NPAS3: variants seen among roughly 807,000 people sequenced by gnomAD.
NPAS3 encodes neuronal PAS domain protein 3.
A neutral mutation model predicts 73.1 loss-of-function variants in NPAS3; 14 were observed. The observed-to-expected ratio is 0.19, with a 90% CI of 0.13 to 0.30. The LOEUF (loss-of-function observed/expected upper bound fraction) is 0.30. Among genes scored for constraint, NPAS3 ranks in the 10% least tolerant of loss-of-function variants. The pLI is 1.00. For synonymous variants in NPAS3, 620 were observed against 541.5 expected (o/e 1.14, Z -2.01); for missense variants, 1,096 against 1,250.0 (o/e 0.88, Z 1.86).
chr14:33,727,772 A>G (rs2061308670), intron 6 of NPAS3, among the ~76,000 whole-genome samples: 1 of 152,174 alleles, frequency 6.6e-6, no homozygotes, highest in Admixed American at 6.5e-5. Context: ...CATATGCAAT[A>G]TTGGCAACGG....
intron 5 of NPAS3, among the ~76,000 whole-genome samples, chr14:33,599,574 A>C (rs573751606): frequency 1.3e-5 from 2 of 152,182 alleles, no homozygotes; most frequent in Non-Finnish European, 2.9e-5. Context: ...TTTAATATTC[A>C]TACTTCTAAA....
At chr14:33,136,903 T>C (rs1036148989) in intron 2 of NPAS3, among the ~76,000 whole-genome samples, 4 of 152,216 alleles carry the variant, frequency 2.6e-5, no homozygotes, top group Non-Finnish European at 5.9e-5. Context: ...AACTTTGTTG[T>C]AATATGCTCC....
intron 2 of NPAS3, among the ~76,000 whole-genome samples, chr14:33,136,391 C>T (rs1273432204): frequency 2.0e-5 from 3 of 152,078 alleles, no homozygotes; most frequent in Non-Finnish European, 2.9e-5. Flanking sequence ...AAAAGTTCTT[C>T]GGTTCTGAAA....
At chr14:33,031,291 C>A (rs983481186) in intron 1 of NPAS3, among the ~76,000 whole-genome samples, 1 of 152,076 alleles carries the variant, frequency 6.6e-6, no homozygotes, top group African/African-American at 2.4e-5. Flanking sequence ...ATTTGATTCT[C>A]GAGTTAGTTA....
chr14:33,492,044 TTA>T (rs1174948234), intron 4 of NPAS3, among the ~76,000 whole-genome samples: 1 of 152,178 alleles, frequency 6.6e-6, no homozygotes, highest in Non-Finnish European at 1.5e-5. Context: ...TTTCTTGAGG[TTA>T]TGTCAAGATA....
intron 6 of NPAS3, among the ~76,000 whole-genome samples, chr14:33,708,684 G>T (rs1323055425): frequency 2.0e-5 from 3 of 152,196 alleles, no homozygotes; most frequent in Admixed American, 1.3e-4. Context: ...AAGAGTCAGA[G>T]AGTCTAGAAA....
At chr14:33,487,590 C>T (rs1450981874) in intron 4 of NPAS3, among the ~76,000 whole-genome samples, 1 of 152,182 alleles carries the variant, frequency 6.6e-6, no homozygotes, top group Non-Finnish European at 1.5e-5. Flanking sequence ...TGAGAATTTC[C>T]TCCAATGTAT....
At chr14:33,710,932 T>G (rs557470779) in intron 6 of NPAS3, among the ~76,000 whole-genome samples, 5 of 152,274 alleles carry the variant, frequency 3.3e-5, no homozygotes, top group Non-Finnish European at 5.9e-5. Flanking sequence ...GATCCAGAAA[T>G]TCATACAAAG....
chr14:33,778,454 T>C lies in NPAS3; in HGVS notation c.1047-12T>C, dbSNP rs781559920. The C allele has an allele frequency of 5.8e-5, 91 of 1,562,330 alleles. No homozygotes were observed. The highest frequency in any genetic ancestry group is 7.4e-5 in the Non-Finnish European group (84 of 1,133,078). On this transcript the variant is annotated splice_polypyrimidine_tract_variant and intron_variant, in intron 8 of 11. Coordinates refer to ENST00000356141, the Ensembl canonical transcript of NPAS3. ...CCTTTCTGAATTCCAGCCTGTGTTCTTCTCTTTGTAGGATTAGTGATTATA... is the reference window on the plus strand; with the variant it reads ...CCTTTCTGAATTCCAGCCTGTGTTCCTCTCTTTGTAGGATTAGTGATTATA...
Position 33,270,585 on chromosome 14 carries a change from A to C in NPAS3, c.385+55159A>C, listed in dbSNP as rs1359771037. On this transcript the variant is annotated intron_variant, in intron 3 of 11. Coordinates refer to ENST00000356141, the Ensembl canonical transcript of NPAS3. ...CTTCAAAATTCTGCTCTAGTATTTA[A>C]AAAGCTTAATTACATAGGTTTTTAG... is the stretch of plus-strand genomic sequence containing the variant. Among the ~76,000 whole-genome samples the C allele has an allele frequency of 2.0e-5, 3 of 152,208 alleles. No individual in the cohort carries two copies. The East Asian group carries it at 5.8e-4, about 29-fold the overall frequency.
At chr14:33,383,088 TA>T (rs34877774) in intron 4 of NPAS3, among the ~76,000 whole-genome samples, 5,813 of 104,264 alleles carry the variant, frequency 0.056, 167 homozygotes, top group African/African-American at 0.11. Flanking sequence ...GACCCTGTCT[TA>T]AAAAAAAAAA....
chr14:33,220,034 G>A (rs918237180), intron 3 of NPAS3, among the ~76,000 whole-genome samples: 1 of 151,916 alleles, frequency 6.6e-6, no homozygotes, highest in Non-Finnish European at 1.5e-5. Context: ...TGAGATGAAA[G>A]TTCATAGAAT....
At chr14:33,398,415 A>G (rs2047313894) in intron 4 of NPAS3, among the ~76,000 whole-genome samples, 2 of 151,782 alleles carry the variant, frequency 1.3e-5, no homozygotes, top group Admixed American at 1.3e-4. Context: ...TTTAAAAAAA[A>G]AAAAAAAAGT....
chr14:33,129,597 C>T (rs2043558511), intron 2 of NPAS3, among the ~76,000 whole-genome samples: 1 of 152,090 alleles, frequency 6.6e-6, no homozygotes, highest in African/African-American at 2.4e-5. Context: ...TTTGTATCTT[C>T]CACACATTTT....
chr14:33,081,795 G>A (rs151290391), intron 2 of NPAS3, among the ~76,000 whole-genome samples: 5 of 152,266 alleles, frequency 3.3e-5, no homozygotes, highest in East Asian at 1.9e-4. Flanking sequence ...ACAGCTCTGG[G>A]TGTCCATGAA....
intron 6 of NPAS3, among the ~76,000 whole-genome samples, chr14:33,717,802 G>T (rs1048046437): frequency 2.9e-4 from 44 of 152,100 alleles, no homozygotes; most frequent in African/African-American, 1.0e-3. Flanking sequence ...GAAAATAAAG[G>T]TGCTTATCTC....
chr14:32,944,118 T>C (rs2139080151), intron 1 of NPAS3, among the ~76,000 whole-genome samples: 1 of 152,358 alleles, frequency 6.6e-6, no homozygotes, highest in African/African-American at 2.4e-5. Flanking sequence ...TCTGTTTTTG[T>C]TTTTCTACAA....
At chr14:33,776,884 G>A (rs948495819) in intron 8 of NPAS3, among the ~76,000 whole-genome samples, 1 of 152,138 alleles carries the variant, frequency 6.6e-6, no homozygotes, top group Non-Finnish European at 1.5e-5. Context: ...CGGGCTAGTC[G>A]CATTCACCAC....
At chr14:32,969,200 G>A (rs892299992) in intron 1 of NPAS3, among the ~76,000 whole-genome samples, 3 of 152,034 alleles carry the variant, frequency 2.0e-5, no homozygotes, top group Admixed American at 1.3e-4. Flanking sequence ...CCTCAGAATG[G>A]CAGTTTACTC....
Sources: gnomAD v4.1 joint callset for allele counts (sites outside exome capture counted in the v4.1 genomes callset) on GRCh38, gnomAD v4.1.1 for gene constraint, MANE v1.5 for transcripts, NCBI Gene and HGNC (gene_info 2026-07-23, HGNC 2026-07-21) for gene names.